The following DPP9 variants were observed in gnomAD, a reference collection of about 807,000 sequenced individuals.
DPP9 encodes dipeptidyl peptidase 9, also known as dipeptidyl peptidase IV-related protein-2.
Under a neutral mutation model 110.7 loss-of-function variants are expected in DPP9, and 50 were observed. The ratio of observed to expected loss-of-function variants is 0.45; its 90% CI spans 0.36 to 0.57. The LOEUF is 0.57. DPP9 is among the 20% of genes least tolerant of loss of function. The pLI is 0.00. For synonymous variants in DPP9, 561 were observed against 514.4 expected (o/e 1.09, Z -1.23); for missense variants, 1,022 against 1,217.9 (o/e 0.84, Z 2.39).
chr19:4,697,345 C>T (rs1475566771), intron 11 of DPP9, among the ~76,000 whole-genome samples: 1 of 152,190 alleles, frequency 6.6e-6, no homozygotes, highest in African/African-American at 2.4e-5. Flanking sequence ...CACTGGGACT[C>T]ATAAGTCCAG....
chr19:4,676,648 G>A lies in DPP9; in HGVS notation c.2595C>T (p.Pro865=). Residue 865 remains proline (P), a synonymous_variant, in exon 22 of 22, where the codon CCC becomes CCT. Transcript: ENST00000262960. The surrounding 1 kb of genome is among the most constrained non-coding windows in gnomAD (Gnocchi z 4.0). ...AGKPYQLQIY[P]NERHSIRCPE... is the part of the protein sequence containing the mutation. ...GGCAGCGAATACTGTGTCTCTCGTT[G>A]GGGTAGATCTGCGGGGAGACAGGAG... 6.2e-7 allele frequency: 1 copy of A among 1,602,898 alleles called. No homozygotes were observed. Among genetic ancestry groups the A allele is most frequent in the South Asian group, 1.1e-5 (1 of 89,150 alleles).
chr19:4,716,564 G>T (rs535178436), intron 3 of DPP9, among the ~76,000 whole-genome samples: 22 of 152,168 alleles, frequency 1.4e-4, no homozygotes, highest in Admixed American at 1.4e-3. Context: ...GTGAACCCGG[G>T]AGGCGGAGCT....
Position 4,694,077 on chromosome 19 carries a change from C to T in DPP9, c.1516+584G>A, listed in dbSNP as rs1310719560. Among the ~76,000 whole-genome samples, 1 of 151,046 alleles carries T rather than the reference C, an allele frequency of 6.6e-6. No individual in the cohort carries two copies. Among genetic ancestry groups the T allele is most frequent in the Non-Finnish European group, 1.5e-5 (1 of 67,294 alleles). ...ATTTCCTTCCACCACGCACATCACA[C>T]CAGAGGCAGCACCTCTAACTGTTTC... On this transcript the variant is annotated intron_variant, in intron 13 of 21. Coordinates refer to ENST00000262960, the MANE Select transcript of DPP9 (RefSeq NM_139159.5). The surrounding 1 kb of genome is among the most constrained non-coding windows in gnomAD (Gnocchi z 4.0).
In DPP9 at chr19:4,682,048, T is replaced by A. The variant is rs1412744748; in HGVS notation, c.2474+648A>T. On this transcript the variant is annotated intron_variant, in intron 20 of 21. Coordinates refer to ENST00000262960, the MANE Select transcript of DPP9 (RefSeq NM_139159.5). This position sits in a 1 kb window ranked among gnomAD's most constrained non-coding sequence, Gnocchi z 7.1. ...TATTTTTAGTAGAGACGGGGTTTCA[T>A]CTTGTTAGCCAGGATGGTCTCAATC... 6.6e-6 allele frequency among the ~76,000 whole-genome samples: 1 copy of A among 151,772 alleles called. No individual in the cohort carries two copies. Among genetic ancestry groups the A allele is most frequent in the Non-Finnish European group, 1.5e-5 (1 of 67,946 alleles).
At chr19:4,717,495 G>GA (rs1383172703) in intron 3 of DPP9, 8 of 152,220 alleles carry the variant, frequency 5.3e-5, no homozygotes, top group African/African-American at 1.9e-4. Context: ...CGGCAGCAAA[G>GA]AAAAAATGTG....
chr19:4,700,339 C>G lies in DPP9; in HGVS notation c.1013-62G>C. 7.0e-7 allele frequency: 1 copy of G among 1,431,862 alleles called. No homozygotes were observed. Among genetic ancestry groups the G allele is most frequent in the Non-Finnish European group, 9.5e-7 (1 of 1,048,244 alleles). The allele number at this position is 1,431,862 out of a possible 1,614,324, so 88.7% of individuals were successfully genotyped here. On this transcript the variant is annotated intron_variant, in intron 9 of 21. Coordinates refer to ENST00000262960, the MANE Select transcript of DPP9 (RefSeq NM_139159.5). The surrounding 1 kb of genome is among the most constrained non-coding windows in gnomAD (Gnocchi z 4.3). ...ATCACCCGTGTGTGCCGAGAGCCGG[C>G]ACGGGGGGCCTGGGCTGTGGGGTGA... is the stretch of plus-strand genomic sequence containing the variant.
chr19:4,700,808 C>G lies in DPP9; in HGVS notation c.1013-531G>C, dbSNP rs141550124. The stretch of plus-strand genomic sequence containing the variant: ...GAAGAGTGGGACTTAGTTCAGGCTC[C>G]GAAAGAGGGCGCGGGCCACAGCAGA... On this transcript the variant is annotated intron_variant, in intron 9 of 21. Coordinates refer to ENST00000262960, the MANE Select transcript of DPP9 (RefSeq NM_139159.5). This position sits in a 1 kb window ranked among gnomAD's most constrained non-coding sequence, Gnocchi z 4.3. 3.3e-5 allele frequency among the ~76,000 whole-genome samples: 5 copies of G among 152,262 alleles called. No homozygotes were observed. The East Asian group carries it at 9.6e-4, about 29-fold the overall frequency.
chr19:4,687,693 G>A lies in DPP9; in HGVS notation c.1885+1064C>T. Among the ~76,000 whole-genome samples the A allele has an allele frequency of 6.6e-6, 1 of 152,240 alleles. No homozygotes were observed. Among genetic ancestry groups the A allele is most frequent in the East Asian group, 1.9e-4 (1 of 5,198 alleles). On this transcript the variant is annotated intron_variant, in intron 16 of 21. Coordinates refer to ENST00000262960, the MANE Select transcript of DPP9 (RefSeq NM_139159.5). The surrounding 1 kb of genome is among the most constrained non-coding windows in gnomAD (Gnocchi z 4.7). ...CATGCCGCTGTGGCCAGGACTGCAG[G>A]GTCCTGGAGAAGGTGAGTGGAAAGC... is the stretch of plus-strand genomic sequence containing the variant.
intron 18 of DPP9, 110 bp from the exon 19 acceptor site, chr19:4,683,739 G>A: frequency 6.2e-7 from 1 of 1,605,772 alleles, no homozygotes; most frequent in Non-Finnish European, 8.5e-7. Context: ...ATGAAAAGTG[G>A]CTCGCTGGAA....
chr19:4,678,599 G>T (rs2089254994), intron 21 of DPP9, among the ~76,000 whole-genome samples: 1 of 152,040 alleles, frequency 6.6e-6, no homozygotes, highest in African/African-American at 2.4e-5. Context: ...TTCCAGCCCT[G>T]CCTGATATCA....
In DPP9 at chr19:4,699,840, G is replaced by T. The variant is rs569687111; in HGVS notation, c.1074+376C>A. 2.6e-5 allele frequency among the ~76,000 whole-genome samples: 4 copies of T among 152,360 alleles called. No homozygotes were observed. In the South Asian group the frequency reaches 8.3e-4, roughly 32 times the overall value. Reference sequence around the variant, plus strand: ...GGGTCCCCCAGCCATCTGCCCCACGGAGTTCTCTGTTCTGGAAACTTGGAG... The same window carrying T: ...GGGTCCCCCAGCCATCTGCCCCACGTAGTTCTCTGTTCTGGAAACTTGGAG... On this transcript the variant is annotated intron_variant, in intron 10 of 21. Coordinates refer to ENST00000262960, the MANE Select transcript of DPP9 (RefSeq NM_139159.5).
intron 4 of DPP9, among the ~76,000 whole-genome samples, chr19:4,712,852 G>A (rs1046482797): frequency 3.3e-5 from 5 of 152,324 alleles, no homozygotes; most frequent in Middle Eastern, 3.4e-3. Context: ...TGTCCACCTC[G>A]GTCACTGTTG....
Position 4,714,179 on chromosome 19 carries a change from T to C in DPP9, c.215A>G (p.Lys72Arg), listed in dbSNP as rs777273279. 6.2e-7 allele frequency: 1 copy of C among 1,612,092 alleles called. No homozygotes were observed. The highest frequency in any genetic ancestry group is 8.5e-7 in the Non-Finnish European group (1 of 1,179,194). The change falls in exon 4 of 22, where the codon AAG (lysine) becomes AGG (arginine). Residue 72 changes from lysine to arginine, a missense_variant. Coordinates refer to ENST00000262960, the MANE Select transcript of DPP9 (RefSeq NM_139159.5). ...CTTGTTGACAATGAGGCCCGAGTAC[T>C]TGCGGCTGCCGTGGATGATGCTCCG... ...GLRSIIHGSR[K>R]YSGLIVNKAP...
rs1052800271 is a variant in DPP9, at chr19:4,694,957, C to T, written c.1354-134G>A. 3.9e-5 allele frequency: 31 copies of T among 799,894 alleles called. 1 individual carries two copies. In the South Asian group the frequency reaches 5.4e-4, roughly 14 times the overall value. The allele number at this position is 799,894 out of a possible 1,614,324, so 49.5% of individuals were successfully genotyped here. ...GAGCCCAGGAATTTCAGAGACCAGC[C>T]TGGACAACATAGTAAGACCCCACCT... On this transcript the variant is annotated intron_variant, in intron 12 of 21. Coordinates refer to ENST00000262960, the MANE Select transcript of DPP9 (RefSeq NM_139159.5). This position sits in a 1 kb window ranked among gnomAD's most constrained non-coding sequence, Gnocchi z 4.0.
At chr19:4,712,819 GGC>G (rs1021723966) in intron 4 of DPP9, among the ~76,000 whole-genome samples, 1 of 152,216 alleles carries the variant, frequency 6.6e-6, no homozygotes, top group African/African-American at 2.4e-5. Flanking sequence ...CTGCGCTGAT[GGC>G]GGAAGAAGAC....
rs779074830 is a variant in DPP9 at position 4,685,722 on chromosome 19, G to A, written c.1935C>T (p.Arg645=). 1.9e-6 allele frequency: 3 copies of A among 1,613,590 alleles called. No homozygotes were observed. The highest frequency in any genetic ancestry group is 2.5e-6 in the Non-Finnish European group (3 of 1,179,852). ...TCATGCCGTAGAGCCGCACATCCGA[G>A]CGCGTGTGGAAATGGAAGATCTCTG... ...VPPEIFHFHT[R]SDVRLYGMIY... is the part of the protein sequence containing the mutation. Residue 645 remains arginine, a synonymous_variant, in exon 17 of 22, where the codon CGC becomes CGT. Coordinates refer to ENST00000262960, the MANE Select transcript of DPP9 (RefSeq NM_139159.5). The surrounding 1 kb of genome is among the most constrained non-coding windows in gnomAD (Gnocchi z 5.8).
intron 4 of DPP9, among the ~76,000 whole-genome samples, chr19:4,708,899 G>A (rs2092706420): frequency 6.6e-6 from 1 of 152,030 alleles, no homozygotes; most frequent in African/African-American, 2.4e-5. Context: ...AGAACAAACC[G>A]GCACATGTGC....
Position 4,710,413 on chromosome 19 carries a change from G to A in DPP9, c.313+3668C>T, listed in dbSNP as rs2092777939. ...GGAGAGGCTGATCCGCGTGGGGCGGGAGCGGGGTCGGGAGCGTTTCCCAAT... is the reference window on the plus strand; with the variant it reads ...GGAGAGGCTGATCCGCGTGGGGCGGAAGCGGGGTCGGGAGCGTTTCCCAAT... On this transcript the variant is annotated intron_variant, in intron 4 of 21. Transcript: ENST00000262960. This position sits in a 1 kb window ranked among gnomAD's most constrained non-coding sequence, Gnocchi z 5.6. 6.6e-6 allele frequency among the ~76,000 whole-genome samples: 1 copy of A among 152,236 alleles called. No homozygotes were observed. Among genetic ancestry groups the A allele is most frequent in the African/African-American group, 2.4e-5 (1 of 41,460 alleles).
At chr19:4,702,002 C>G in intron 9 of DPP9, 25 bp downstream of exon 9, 1 of 1,607,676 alleles carries the variant, frequency 6.2e-7, no homozygotes, top group South Asian at 1.1e-5. Context: ...CCCGGCCCAG[C>G]CCCTCACATG....
Sources: gnomAD v4.1 joint callset for allele counts (sites outside exome capture counted in the v4.1 genomes callset) on GRCh38, gnomAD v4.1.1 for gene constraint, Gnocchi (gnomAD v3.1) non-coding constraint, MANE v1.5 for transcripts, NCBI Gene and HGNC (gene_info 2026-07-23, HGNC 2026-07-21) for gene names.